Variants in ACE observed in about 807,000 individuals in gnomAD.
The protein encoded by ACE is angiotensin I converting enzyme.
Under a neutral mutation model 162.3 loss-of-function variants are expected in ACE, and 122 were observed. The ratio of observed to expected loss-of-function variants is 0.75; its 90% CI spans 0.65 to 0.87. The LOEUF is 0.87. ACE is among the 40% of genes least tolerant of loss of function. The pLI is 0.00. For missense variants in ACE, 1,799 were observed against 1,735.1 expected (o/e 1.04, Z -0.65); for synonymous variants, 796 against 720.6 (o/e 1.10, Z -1.68).
intron 8 of ACE, 53 bp from the exon 9 acceptor site, chr17:63,482,976 A>C: frequency 5.0e-5 from 78 of 1,547,616 alleles, no homozygotes; most frequent in Middle Eastern, 1.7e-4. Flanking sequence ...CTCTTAGGGG[A>C]CCCTCTTCTC....
Position 63,483,567 on chromosome 17 carries a change from G to GCGGCCCCCCC in ACE, c.1586+10_1586+11insGGCCCCCCCC. ...GTGACACCATACATCAGGTATTAGC[G>GCGGCCCCCCC]CCCCCACCCCACCCACCCCCAGTAC... On this transcript the variant is annotated intron_variant, in intron 10 of 24. Coordinates refer to ENST00000290866, the MANE Select transcript of ACE (RefSeq NM_000789.4). The GCGGCCCCCCC allele has an allele frequency of 6.3e-7, 1 of 1,589,582 alleles. No individual in the cohort carries two copies. The highest frequency in any genetic ancestry group is 8.6e-7 in the Non-Finnish European group (1 of 1,165,688).
chr17:63,477,450 C>G (rs2049636091), intron 1 of ACE, 107 bp downstream of exon 1: 1 of 911,102 alleles, frequency 1.1e-6, no homozygotes. Flanking sequence ...CCGAACCCCA[C>G]CCCGACCCCG....
chr17:63,485,127 A>C (rs754880025), intron 12 of ACE, 109 bp from the exon 13 acceptor site: 2 of 1,537,654 alleles, frequency 1.3e-6, no homozygotes, highest in Non-Finnish European at 1.7e-6. Context: ...CCGGGTAGGG[A>C]CAGGGCAGGG....
At position 63,477,144 on chromosome 17, in the gene ACE, CGCTGCT is replaced by C. The variant is rs1949396233; in HGVS notation, c.52_57del (p.Leu21_Leu22del). On this transcript the variant is annotated inframe_deletion, in exon 1 of 25. Transcript: ENST00000290866. ...GGGCCGGGGCTGCTGCTGCCGCTGC[CGCTGCT>C]GTTGCTGCTGCCGCCGCAGCCCGCC... is the stretch of plus-strand genomic sequence containing the variant. 2 of 1,438,448 alleles carry C rather than the reference CGCTGCT, an allele frequency of 1.4e-6. No individual in the cohort carries two copies. The highest frequency in any genetic ancestry group is 1.5e-5 in the African/African-American group (1 of 67,304). The allele number at this position is 1,438,448 out of a possible 1,614,324, so 89.1% of individuals were successfully genotyped here. A position where few individuals can be genotyped will look rare whatever the true frequency, so the allele number is the denominator to read the frequency against.
At chr17:63,482,956 C>A in intron 8 of ACE, 73 bp from the exon 9 acceptor site, 1 of 1,514,000 alleles carries the variant, frequency 6.6e-7, no homozygotes, top group African/African-American at 1.4e-5. Context: ...TGCTGCCCCG[C>A]CAGCCCACAC....
chr17:63,496,682 G>T, intron 23 of ACE, 116 bp from the exon 24 acceptor site: 1 of 1,572,292 alleles, frequency 6.4e-7, no homozygotes. Flanking sequence ...GGCACCTGGA[G>T]CCCTGGGGCC....
chr17:63,494,519 TTTG>T, intron 22 of ACE, 49 bp downstream of exon 22: 1 of 1,530,010 alleles, frequency 6.5e-7, no homozygotes, highest in Admixed American at 1.7e-5. Flanking sequence ...TACCCACAGC[TTTG>T]TGTTTCAACT....
At position 63,477,305 on chromosome 17, in the gene ACE, C is replaced by A. The variant is rs773257897; in HGVS notation, c.211C>A (p.His71Asn). Residue 71 changes from histidine to asparagine, a missense_variant, in exon 1 of 25, where the codon CAC becomes AAC. His to Asn is a moderately conservative substitution (Grantham distance 68). Coordinates refer to ENST00000290866, the MANE Select transcript of ACE (RefSeq NM_000789.4). ...CCAGAGCGTGGCCGCCAGCTGGGCG[C>A]ACGACACCAACATCACCGCGGAGAA... is the stretch of plus-strand genomic sequence containing the variant. Reference protein sequence around the residue: ...LFQSVAASWAHDTNITAENAR... With the variant: ...LFQSVAASWANDTNITAENAR... The A allele has an allele frequency of 4.2e-6, 6 of 1,438,462 alleles. No individual in the cohort carries two copies. Among genetic ancestry groups the A allele is most frequent in the African/African-American group, 2.9e-5 (2 of 67,892 alleles). 89.1% of individuals were successfully genotyped at this position (1,438,462 alleles called of 1,614,324 possible). A position where few individuals can be genotyped will look rare whatever the true frequency, so the allele number is the denominator to read the frequency against.
At chr17:63,496,647 G>T in intron 23 of ACE, 131 bp downstream of exon 23, 1 of 1,586,524 alleles carries the variant, frequency 6.3e-7, no homozygotes, top group Non-Finnish European at 8.6e-7. Flanking sequence ...TGCAGCGTGG[G>T]CCAGGCCTGA....
rs745804205 is a variant in ACE at position 63,480,529 on chromosome 17, G to T, written c.847+1G>T. ...GGACCCATCCCTGCTCATCTGCTGG[G>T]TAAGGACCTGGCCTCGCCTCCACAT... On this transcript the variant is annotated splice_donor_variant, in intron 5 of 24. Coordinates refer to ENST00000290866, the MANE Select transcript of ACE (RefSeq NM_000789.4). LOFTEE classifies it high-confidence loss of function. 6 of 1,613,640 alleles carry T rather than the reference G, an allele frequency of 3.7e-6. No homozygotes were observed. Among genetic ancestry groups the T allele is most frequent in the Non-Finnish European group, 5.1e-6 (6 of 1,180,022 alleles).
Position 63,485,111 on chromosome 17 carries a change from G to A in ACE, c.1922-125G>A, listed in dbSNP as rs1264199978. On this transcript the variant is annotated intron_variant, in intron 12 of 24. Transcript: ENST00000290866. ...GGGCAGGGTGCCAGGGGTGGGAGAG[G>A]CGGGGCCGGGTAGGGACAGGGCAGG... 6 of 1,561,482 alleles carry A rather than the reference G, an allele frequency of 3.8e-6. No homozygotes were observed. In the South Asian group the frequency reaches 7.0e-5, roughly 18 times the overall value.
At chr17:63,495,228 CCTT>C (rs1372490696) in intron 22 of ACE, among the ~76,000 whole-genome samples, 1 of 152,220 alleles carries the variant, frequency 6.6e-6, no homozygotes, top group East Asian at 1.9e-4. Flanking sequence ...CAGCCCCTCT[CCTT>C]CTGTGTGCCC....
rs778204413 is a variant in ACE, at chr17:63,483,482, C to T, written c.1510C>T (p.Pro504Ser). 1.1e-5 allele frequency: 17 copies of T among 1,613,948 alleles called. No homozygotes were observed. The highest frequency in any genetic ancestry group is 1.3e-5 in the Non-Finnish European group (15 of 1,179,876). ...CAGAACCAAGTATCAGGGGATCTGT[C>T]CTCCTGTTACCCGAAACGAAACCCA... ...YLRTKYQGIC[P>S]PVTRNETHFD... The change falls in exon 10 of 25, where the codon CCT (proline) becomes TCT (serine). Residue 504 changes from proline (P) to serine (S), a missense_variant. By Grantham distance (74) the Pro-to-Ser change is moderately conservative. Transcript: ENST00000290866.
intron 17 of ACE, chr17:63,490,074 C>G (rs1226942729): frequency 6.6e-6 from 1 of 152,546 alleles, no homozygotes; most frequent in East Asian, 1.9e-4. Flanking sequence ...CGCTCTCTGT[C>G]TCTCTCTCTG....
chr17:63,481,041 C>T (rs1190592454), intron 5 of ACE, 50 bp from the exon 6 acceptor site: 1 of 1,565,506 alleles, frequency 6.4e-7, no homozygotes, highest in Non-Finnish European at 8.8e-7. Context: ...CATGAAGAAG[C>T]AGGCACAGCC....
intron 2 of ACE, 55 bp from the exon 3 acceptor site, chr17:63,478,951 AG>A: frequency 6.9e-7 from 1 of 1,456,478 alleles, no homozygotes; most frequent in South Asian, 1.2e-5. Context: ...CAGCGAGGGG[AG>A]GGCAGATGTC....
At chr17:63,486,391 C>A (rs1391030335) in intron 13 of ACE, 166 bp from the exon 14 acceptor site, 4 of 738,304 alleles carry the variant, frequency 5.4e-6, no homozygotes, top group Non-Finnish European at 9.4e-6. Flanking sequence ...GCATCCAGGA[C>A]GTTATCAGCG....
chr17:63,497,845 G>A lies in ACE; in HGVS notation c.*479G>A. The A allele has an allele frequency of 3.0e-6, 1 of 337,286 alleles. No individual in the cohort carries two copies. Among genetic ancestry groups the A allele is most frequent in the Non-Finnish European group, 5.8e-6 (1 of 173,498 alleles). The allele number at this position is 337,286 out of a possible 1,614,324, so 20.9% of individuals were successfully genotyped here. ...CTGCCACCGCAGGCAGCCCCTGTCTGGCCCAAGCACTGACCCACGCGGACT... is the reference window on the plus strand; with the variant it reads ...CTGCCACCGCAGGCAGCCCCTGTCTAGCCCAAGCACTGACCCACGCGGACT... On this transcript the variant is annotated 3_prime_UTR_variant, in exon 25 of 25. Transcript: ENST00000290866.
chr17:63,478,935 T>G (rs1258888593), intron 2 of ACE, 72 bp from the exon 3 acceptor site: 1 of 1,332,966 alleles, frequency 7.5e-7, no homozygotes, highest in East Asian at 2.5e-5. Context: ...GGGCTCCTCC[T>G]TCTAGCAGCG....
Sources: gnomAD v4.1 joint callset for allele counts (sites outside exome capture counted in the v4.1 genomes callset) on GRCh38, gnomAD v4.1.1 for gene constraint, MANE v1.5 for transcripts, NCBI Gene and HGNC (gene_info 2026-07-23, HGNC 2026-07-21) for gene names.